FRMD4A: variants seen among roughly 807,000 people sequenced by gnomAD.
FRMD4A encodes the protein FERM domain-containing protein 4A.
A neutral mutation model predicts 129.1 loss-of-function variants in FRMD4A; 29 were observed. That is an observed-to-expected ratio of 0.22 (90% CI 0.17 to 0.31). FRMD4A has a LOEUF of 0.31. FRMD4A is among the 10% of genes least tolerant of loss of function. The probability of loss-of-function intolerance (pLI) is 1.00; values close to 1 mark genes in which losing one functional copy is unlikely to be tolerated. For missense variants in FRMD4A, 1,272 were observed against 1,375.8 expected, an observed-to-expected ratio of 0.92 and a Z score of 1.19; for synonymous variants, 634 against 571.6, an observed-to-expected ratio of 1.11 and a Z score of -1.56.
chr10:13,988,660 C>T (rs910384312), intron 2 of FRMD4A, among the ~76,000 whole-genome samples: 1 of 151,734 alleles, frequency 6.6e-6, no homozygotes, highest in African/African-American at 2.4e-5. Flanking sequence ...GGATAGATAC[C>T]GATAGATCGA....
intron 12 of FRMD4A, among the ~76,000 whole-genome samples, chr10:13,719,391 G>A (rs2089191235): frequency 1.3e-5 from 2 of 151,964 alleles, no homozygotes; most frequent in African/African-American, 2.4e-5. Flanking sequence ...CAACCTAGAG[G>A]TCAGATCTTT....
chr10:13,887,550 G>A (rs1003658651), intron 2 of FRMD4A, among the ~76,000 whole-genome samples: 6 of 152,064 alleles, frequency 3.9e-5, no homozygotes, highest in Admixed American at 1.3e-4. Context: ...GTAGTGGCAC[G>A]TGCCTGTATT....
chr10:13,882,535 T>G (rs567755416), intron 2 of FRMD4A, among the ~76,000 whole-genome samples: 74 of 152,320 alleles, frequency 4.9e-4, no homozygotes, highest in Non-Finnish European at 8.7e-4. Context: ...GTGAGGCTGC[T>G]TTGGGGAATA....
At chr10:13,843,398 G>A (rs929763544) in intron 3 of FRMD4A, among the ~76,000 whole-genome samples, 5 of 152,214 alleles carry the variant, frequency 3.3e-5, no homozygotes, top group Admixed American at 3.3e-4. Context: ...ATATGGACCA[G>A]CTGTGGTCTG....
Position 13,740,214 on chromosome 10 carries a change from C to T in FRMD4A, c.652G>A (p.Val218Ile), listed in dbSNP as rs376633724. ...CTCACCTTCACTGCATAATAGTGAA[C>T]CCCGTAGGTTGGGAGAGACTCCACG... is the stretch of plus-strand genomic sequence containing the variant. ...SIVESLPTYG[V>I]HYYAVKDKQG... is the part of the protein sequence containing the mutation. Residue 218 changes from valine (V) to isoleucine (I), a missense_variant, in exon 11 of 25, where the codon GTT becomes ATT. Val to Ile is a conservative substitution (Grantham distance 29). Transcript: ENST00000357447. 6.8e-6 allele frequency: 11 copies of T among 1,607,846 alleles called. No homozygotes were observed. The highest frequency in any genetic ancestry group is 1.3e-5 in the African/African-American group (1 of 74,786).
At chr10:14,008,761 G>C (rs199812927) in intron 2 of FRMD4A, among the ~76,000 whole-genome samples, 1 of 152,096 alleles carries the variant, frequency 6.6e-6, no homozygotes, top group Admixed American at 6.5e-5. Flanking sequence ...ACACATCAGG[G>C]ACCTCTTTGA....
intron 2 of FRMD4A, among the ~76,000 whole-genome samples, chr10:14,138,356 G>T (rs913439943): frequency 1.3e-5 from 2 of 152,124 alleles, no homozygotes; most frequent in Non-Finnish European, 2.9e-5. Flanking sequence ...AAAAGATAAT[G>T]ATCTATTTCT....
At chr10:14,185,658 A>G (rs1284558410) in intron 2 of FRMD4A, among the ~76,000 whole-genome samples, 1 of 152,190 alleles carries the variant, frequency 6.6e-6, no homozygotes, top group Non-Finnish European at 1.5e-5. Flanking sequence ...GGCGGTTGTT[A>G]GCTGTGCAGA....
chr10:13,803,401 A>G (rs1284991035), intron 4 of FRMD4A, among the ~76,000 whole-genome samples: 2 of 152,174 alleles, frequency 1.3e-5, no homozygotes, highest in Non-Finnish European at 2.9e-5. Flanking sequence ...GTGCAGTCAT[A>G]GCTCGCTGCA....
At chr10:14,003,219 T>G (rs2095649144) in intron 2 of FRMD4A, among the ~76,000 whole-genome samples, 1 of 151,938 alleles carries the variant, frequency 6.6e-6, no homozygotes, top group African/African-American at 2.4e-5. Flanking sequence ...GGAGAGACGT[T>G]TCAGAGCTGG....
chr10:14,096,334 A>T (rs1246918830), intron 2 of FRMD4A, among the ~76,000 whole-genome samples: 1 of 152,168 alleles, frequency 6.6e-6, no homozygotes, highest in Non-Finnish European at 1.5e-5. Flanking sequence ...CAAAACTGTG[A>T]GCGATCAATT....
chr10:13,679,474 T>TATATATATATATACACACACACACAC (rs1308155926), intron 15 of FRMD4A, among the ~76,000 whole-genome samples: 2 of 31,490 alleles, frequency 6.4e-5, no homozygotes, highest in African/African-American at 2.7e-4. Flanking sequence ...TATATATATA[T>TATATATATATATACACACACACACAC]ACACACACAC....
chr10:13,975,983 A>C (rs1463389134), intron 2 of FRMD4A, among the ~76,000 whole-genome samples: 1 of 152,188 alleles, frequency 6.6e-6, no homozygotes, highest in Non-Finnish European at 1.5e-5. Context: ...GTAGTTTACC[A>C]CTTAGACAGT....
At chr10:13,988,436 C>T (rs7922238) in intron 2 of FRMD4A, among the ~76,000 whole-genome samples, 4,217 of 152,302 alleles carry the variant, frequency 0.028, 107 homozygotes, top group African/African-American at 0.06. Context: ...TTAGTCCCTT[C>T]CTTTCTCTCT....
chr10:13,655,820 T>G (rs2082093938), intron 22 of FRMD4A: 1 of 152,202 alleles, frequency 6.6e-6, no homozygotes. Flanking sequence ...CTCCTCAGTG[T>G]CCCTCTCTGA....
chr10:14,176,729 C>T (rs1022277977), intron 2 of FRMD4A, among the ~76,000 whole-genome samples: 1 of 152,098 alleles, frequency 6.6e-6, no homozygotes, highest in Non-Finnish European at 1.5e-5. Context: ...CCCTCGGCCT[C>T]CCAAAGTGAT....
At chr10:13,890,894 C>G in intron 2 of FRMD4A, 1 of 980,290 alleles carries the variant, frequency 1.0e-6, no homozygotes, top group Non-Finnish European at 1.2e-6. Flanking sequence ...TCGCAGAATA[C>G]GCCTGAATGT....
At chr10:14,125,491 C>T (rs1167830830) in intron 2 of FRMD4A, among the ~76,000 whole-genome samples, 1 of 152,136 alleles carries the variant, frequency 6.6e-6, no homozygotes, top group Non-Finnish European at 1.5e-5. Flanking sequence ...TTTTAAGAAG[C>T]TTGCTGGATG....
chr10:14,167,614 T>C (rs1353803208), intron 2 of FRMD4A, among the ~76,000 whole-genome samples: 1 of 150,380 alleles, frequency 6.6e-6, no homozygotes, highest in Non-Finnish European at 1.5e-5. Context: ...CACAGTCCAT[T>C]GCAAAAGGCA....
Sources: gnomAD v4.1 joint callset for allele counts (sites outside exome capture counted in the v4.1 genomes callset) on GRCh38, gnomAD v4.1.1 for gene constraint, MANE v1.5 for transcripts, NCBI Gene and HGNC (gene_info 2026-07-23, HGNC 2026-07-21) for gene names.